GUCY1A1: variants seen among roughly 807,000 people sequenced by gnomAD.
GUCY1A1 encodes the protein guanylate cyclase 1 soluble subunit alpha 1.
A neutral mutation model predicts 64.5 loss-of-function variants in GUCY1A1; 48 were observed. That is an observed-to-expected ratio of 0.74 (90% CI 0.59 to 0.95). The LOEUF is 0.95. Among genes scored for constraint, GUCY1A1 ranks in the 40% least tolerant of loss-of-function variants. The pLI is 0.00. For synonymous variants in GUCY1A1, 308 were observed against 303.4 expected (o/e 1.02, Z -0.16); for missense variants, 804 against 825.3 (o/e 0.97, Z 0.32).
Position 155,717,332 on chromosome 4 carries a change from T to C in GUCY1A1, c.1716+30T>C, listed in dbSNP as rs974755139. The C allele has an allele frequency of 6.0e-6, 9 of 1,491,712 alleles. No individual in the cohort carries two copies. In the African/African-American group the frequency reaches 9.8e-5, roughly 16 times the overall value. The allele number at this position is 1,491,712 out of a possible 1,614,324, so 92.4% of individuals were successfully genotyped here. A position where few individuals can be genotyped will look rare whatever the true frequency, so the allele number is the denominator to read the frequency against. On this transcript the variant is annotated intron_variant, in intron 8 of 9. Coordinates refer to ENST00000506455, the MANE Select transcript of GUCY1A1 (RefSeq NM_001130682.3). ...GGCAGATGATATATTGTCCAAAAGA[T>C]GTCACAAGAGCAAATGCGTATAGTT...
chr4:155,684,888 C>T (rs2126641283), intron 2 of GUCY1A1, among the ~76,000 whole-genome samples: 1 of 152,280 alleles, frequency 6.6e-6, no homozygotes, highest in African/African-American at 2.4e-5. Context: ...ACTTCATTAC[C>T]TTAATTGACA....
intron 2 of GUCY1A1, among the ~76,000 whole-genome samples, chr4:155,687,989 C>T (rs552381689): frequency 1.3e-5 from 2 of 151,774 alleles, no homozygotes; most frequent in Non-Finnish European, 2.9e-5. Context: ...TTTGGGAGGC[C>T]GAAGTGGGCG....
chr4:155,697,204 T>C (rs917320625), intron 3 of GUCY1A1, 82 bp downstream of exon 3: 24 of 987,764 alleles, frequency 2.4e-5, no homozygotes, highest in Non-Finnish European at 3.1e-5. Flanking sequence ...ATTTAAACAC[T>C]TCCTTTCTCA....
At chr4:155,681,079 A>C (rs1440922783) in intron 2 of GUCY1A1, among the ~76,000 whole-genome samples, 1 of 152,174 alleles carries the variant, frequency 6.6e-6, no homozygotes, top group Non-Finnish European at 1.5e-5. Flanking sequence ...TGGTGAGAGC[A>C]GGCATCTTTG....
chr4:155,670,818 C>G (rs2126493234), intron 2 of GUCY1A1, among the ~76,000 whole-genome samples: 1 of 152,210 alleles, frequency 6.6e-6, no homozygotes, highest in South Asian at 2.1e-4. Context: ...ACTCACATAC[C>G]AAGTCATCTA....
rs752361176 is a variant in GUCY1A1, at chr4:155,722,130, G to T, written c.1809G>T (p.Leu603=). The T allele has an allele frequency of 1.2e-6, 2 of 1,613,428 alleles. No homozygotes were observed. Among genetic ancestry groups the T allele is most frequent in the Non-Finnish European group, 1.7e-6 (2 of 1,179,586 alleles). The change falls in exon 9 of 10, where the codon CTG becomes CTT. Residue 603 remains leucine (L), a synonymous_variant. Transcript: ENST00000506455. ...GTCTTTTTGGAAACAATGTCACTCT[G>T]GCTAACAAATTTGAGTCCTGCAGTG... The part of the protein sequence containing the change: ...RYCLFGNNVT[L]ANKFESCSVP...
chr4:155,715,625 C>T (rs1042868193), intron 7 of GUCY1A1, among the ~76,000 whole-genome samples: 1 of 152,032 alleles, frequency 6.6e-6, no homozygotes, highest in South Asian at 2.1e-4. Context: ...TATGGTAGGC[C>T]CCTAACATCA....
chr4:155,720,719 A>T (rs1441682012), intron 8 of GUCY1A1, among the ~76,000 whole-genome samples: 1 of 152,180 alleles, frequency 6.6e-6, no homozygotes, highest in Non-Finnish European at 1.5e-5. Context: ...TTAAAACTAG[A>T]CATAACTGAA....
At chr4:155,719,276 C>G (rs1176539112) in intron 8 of GUCY1A1, among the ~76,000 whole-genome samples, 1 of 152,110 alleles carries the variant, frequency 6.6e-6, no homozygotes, top group African/African-American at 2.4e-5. Context: ...ACCTGCAGCC[C>G]TGGGAAATAT....
intron 2 of GUCY1A1, among the ~76,000 whole-genome samples, chr4:155,684,867 G>A (rs916340940): frequency 5.3e-5 from 8 of 152,004 alleles, no homozygotes; most frequent in African/African-American, 1.7e-4. Context: ...CTTCATTTTG[G>A]GAATATCTAA....
chr4:155,669,824 T>G (rs576203225), intron 2 of GUCY1A1, among the ~76,000 whole-genome samples: 1 of 152,310 alleles, frequency 6.6e-6, no homozygotes, highest in South Asian at 2.1e-4. Context: ...CAAGGGAAAT[T>G]AAATCCTGCA....
At chr4:155,722,727 C>T (rs772857726) in intron 9 of GUCY1A1, among the ~76,000 whole-genome samples, 3 of 152,110 alleles carry the variant, frequency 2.0e-5, no homozygotes, top group Non-Finnish European at 4.4e-5. Flanking sequence ...TAGGGAATTG[C>T]TATACTTACT....
In GUCY1A1 at chr4:155,699,749, G is replaced by T. The variant is rs569931147; in HGVS notation, c.255+2627G>T. Among the ~76,000 whole-genome samples the T allele has an allele frequency of 2.0e-5, 3 of 152,208 alleles. No homozygotes were observed. In the East Asian group the frequency reaches 5.8e-4, roughly 29 times the overall value. Reference sequence around the variant, plus strand: ...GATTTAATGCTTAGACTGCTATTTAGTGTCAGTTGTATTAATAATACAAAA... The same window carrying T: ...GATTTAATGCTTAGACTGCTATTTATTGTCAGTTGTATTAATAATACAAAA... On this transcript the variant is annotated intron_variant, in intron 3 of 9. Coordinates refer to ENST00000506455, the MANE Select transcript of GUCY1A1 (RefSeq NM_001130682.3).
chr4:155,714,036 A>T (rs185857698), intron 7 of GUCY1A1, among the ~76,000 whole-genome samples: 578 of 152,328 alleles, frequency 3.8e-3, no homozygotes, highest in Non-Finnish European at 5.1e-3. Flanking sequence ...GATTATAAAA[A>T]TTGCCTTTAA....
rs369215353 is a variant in GUCY1A1, at chr4:155,713,546, G to A, written c.1535G>A (p.Arg512His). The change falls in exon 7 of 10, where the codon CGC becomes CAC. Residue 512 changes from arginine to histidine, a missense_variant. By Grantham distance (29) the Arg-to-His change is conservative (BLOSUM62 0). Transcript: ENST00000506455. ...ACCATGCTCAATGCACTGTACACTC[G>A]CTTCGACCAGCAGTGTGGAGAGCTG... ...VITMLNALYT[R>H]FDQQCGELDV... 35 of 1,613,692 alleles carry A rather than the reference G, an allele frequency of 2.2e-5. No homozygotes were observed. Among genetic ancestry groups the A allele is most frequent in the Admixed American group, 2.0e-4 (12 of 59,990 alleles).
At chr4:155,681,083 A>G (rs919748917) in intron 2 of GUCY1A1, among the ~76,000 whole-genome samples, 1 of 152,136 alleles carries the variant, frequency 6.6e-6, no homozygotes, top group Admixed American at 6.5e-5. Context: ...GAGAGCAGGC[A>G]TCTTTGCTTG....
chr4:155,714,203 T>C (rs1222046228), intron 7 of GUCY1A1, among the ~76,000 whole-genome samples: 1 of 152,238 alleles, frequency 6.6e-6, no homozygotes, highest in Non-Finnish European at 1.5e-5. Context: ...CCTTACTTGC[T>C]TTGTAAACTG....
intron 2 of GUCY1A1, among the ~76,000 whole-genome samples, chr4:155,689,850 T>C (rs1729505874): frequency 6.6e-6 from 1 of 152,112 alleles, no homozygotes; most frequent in South Asian, 2.1e-4. Flanking sequence ...GTCTTTAGAG[T>C]TGACCTCTCT....
intron 2 of GUCY1A1, among the ~76,000 whole-genome samples, chr4:155,679,236 A>G (rs9992922): frequency 0.019 from 2,913 of 151,710 alleles, 90 homozygotes; most frequent in African/African-American, 0.067. Context: ...GTCACAAAGA[A>G]TTTCTTTTAT....
Sources: gnomAD v4.1 joint callset for allele counts (sites outside exome capture counted in the v4.1 genomes callset) on GRCh38, gnomAD v4.1.1 for gene constraint, MANE v1.5 for transcripts, NCBI Gene and HGNC (gene_info 2026-07-23, HGNC 2026-07-21) for gene names.